CLCA1: variants seen among roughly 807,000 people sequenced by gnomAD.
CLCA1 encodes calcium-activated chloride channel regulator 1.
A neutral mutation model predicts 85.6 loss-of-function variants in CLCA1; 59 were observed. The observed-to-expected ratio is 0.69, with a 90% CI of 0.56 to 0.86. The LOEUF is 0.86. Among genes scored for constraint, CLCA1 ranks in the 40% least tolerant of loss-of-function variants. CLCA1 has a pLI of 0.00. For missense variants in CLCA1, 1,022 were observed against 1,101.4 expected (o/e 0.93, Z 1.02); for synonymous variants, 396 against 398.3 (o/e 0.99, Z 0.07).
intron 10 of CLCA1, 81 bp from the exon 11 acceptor site, chr1:86,494,106 G>T: frequency 1.3e-6 from 2 of 1,500,020 alleles, no homozygotes; most frequent in Non-Finnish European, 1.8e-6. Context: ...ATATCAGAGG[G>T]TTTTCCCGTA....
At chr1:86,471,487 T>A (rs1647497651) in intron 1 of CLCA1, among the ~76,000 whole-genome samples, 1 of 152,090 alleles carries the variant, frequency 6.6e-6, no homozygotes, top group Non-Finnish European at 1.5e-5. Flanking sequence ...AAAACAAAGA[T>A]CCCTTATTAT....
At chr1:86,480,962 T>C (rs1183104956) in intron 4 of CLCA1, among the ~76,000 whole-genome samples, 2 of 152,170 alleles carry the variant, frequency 1.3e-5, no homozygotes, top group African/African-American at 4.8e-5. Context: ...ACTCAGGGAA[T>C]CAATCACAGG....
intron 3 of CLCA1, 95 bp from the exon 4 acceptor site, chr1:86,476,353 A>G: frequency 1.6e-6 from 1 of 630,718 alleles, no homozygotes; most frequent in South Asian, 2.2e-5. Context: ...TTAACACAGC[A>G]AAGCATAAAT....
At chr1:86,477,780 A>G (rs1332175961) in intron 4 of CLCA1, among the ~76,000 whole-genome samples, 2 of 152,222 alleles carry the variant, frequency 1.3e-5, no homozygotes, top group South Asian at 2.1e-4. Context: ...AAGAAAATAA[A>G]TGATTGTTCC....
chr1:86,469,796 C>T (rs894934133), intron 1 of CLCA1, among the ~76,000 whole-genome samples: 4 of 152,062 alleles, frequency 2.6e-5, no homozygotes, highest in African/African-American at 7.2e-5. Context: ...TATAAAAGAC[C>T]GCCCTGGAAT....
chr1:86,481,660 A>G (rs1647825926), intron 4 of CLCA1, among the ~76,000 whole-genome samples: 1 of 152,112 alleles, frequency 6.6e-6, no homozygotes, highest in Admixed American at 6.5e-5. Context: ...CCGGTCATGC[A>G]TGGTTATATA....
chr1:86,500,076 ATCAT>A lies in CLCA1; in HGVS notation c.*36_*39del, dbSNP rs765643819. Reference sequence around the variant, plus strand: ...AATTTTTGTCAGATAAATAAAATAAATCATTCATCCTTTTTTTTGATTATAAAAT... The same window carrying A: ...AATTTTTGTCAGATAAATAAAATAAATCATCCTTTTTTTTGATTATAAAAT... On this transcript the variant is annotated 3_prime_UTR_variant, in exon 14 of 14. Coordinates refer to ENST00000394711, the MANE Select transcript of CLCA1 (RefSeq NM_001285.4). 10 of 1,466,512 alleles carry A rather than the reference ATCAT, an allele frequency of 6.8e-6. No homozygotes were observed. Among genetic ancestry groups the A allele is most frequent in the African/African-American group, 5.7e-5 (4 of 69,936 alleles). The allele number at this position is 1,466,512 out of a possible 1,614,324, so 90.8% of individuals were successfully genotyped here.
At chr1:86,490,914 A>T (rs973519154) in intron 8 of CLCA1, among the ~76,000 whole-genome samples, 1 of 54,204 alleles carries the variant, frequency 1.8e-5, no homozygotes, top group Admixed American at 2.2e-4. Context: ...AAAAAAAAAA[A>T]AAAAAAAATA....
intron 10 of CLCA1, among the ~76,000 whole-genome samples, chr1:86,493,911 A>G (rs1460817611): frequency 6.6e-6 from 1 of 152,160 alleles, no homozygotes; most frequent in Admixed American, 6.5e-5. Context: ...TCAGAGACTC[A>G]TCTCTTATAA....
chr1:86,482,487 G>C, intron 5 of CLCA1, 105 bp downstream of exon 5: 1 of 1,074,956 alleles, frequency 9.3e-7, no homozygotes, highest in Non-Finnish European at 1.4e-6. Flanking sequence ...AATCATCAGT[G>C]AGCAGTGGAT....
chr1:86,496,513 A>G (rs1648290735), intron 12 of CLCA1, among the ~76,000 whole-genome samples: 1 of 152,144 alleles, frequency 6.6e-6, no homozygotes, highest in East Asian at 1.9e-4. Context: ...ATTGAGACCA[A>G]GTTTGTGTCC....
intron 12 of CLCA1, among the ~76,000 whole-genome samples, chr1:86,496,488 T>C (rs921679796): frequency 3.3e-5 from 5 of 152,178 alleles, no homozygotes; most frequent in Non-Finnish European, 7.4e-5. Flanking sequence ...ACACTTGCCC[T>C]GGACTAGAGA....
In CLCA1 at chr1:86,486,666, C is replaced by G; in HGVS notation, c.1095C>G (p.Gly365=). ...ATGAACTCATACAGATAAACAGTGGCAGTGACAGGGACACACTCGCCAAAA... is the reference window on the plus strand; with the variant it reads ...ATGAACTCATACAGATAAACAGTGGGAGTGACAGGGACACACTCGCCAAAA... ...VQNELIQINS[G]SDRDTLAKRL... is the part of the protein sequence containing the mutation. Residue 365 remains glycine, a synonymous_variant, in exon 7 of 14, where the codon GGC becomes GGG. Transcript: ENST00000394711. 1.2e-6 allele frequency: 2 copies of G among 1,614,162 alleles called. No homozygotes were observed. The highest frequency in any genetic ancestry group is 1.3e-5 in the African/African-American group (1 of 75,044).
intron 6 of CLCA1, 84 bp downstream of exon 6, chr1:86,485,645 A>G: frequency 1.6e-6 from 2 of 1,235,376 alleles, no homozygotes; most frequent in South Asian, 2.5e-5. Context: ...GTTGCGAATA[A>G]ACATAACCCG....
rs766628776 is a variant in CLCA1 at position 86,493,617 on chromosome 1, T to A, written c.1680+18T>A. 4 of 1,563,362 alleles carry A rather than the reference T, an allele frequency of 2.6e-6. No individual in the cohort carries two copies. The highest frequency in any genetic ancestry group is 3.5e-6 in the Non-Finnish European group (4 of 1,135,798). ...TTGCTAAGGTATGGAGTCAGCTTTT[T>A]TTCTTTCTCATAATTCAACAAGATA... On this transcript the variant is annotated intron_variant, in intron 10 of 13. Coordinates refer to ENST00000394711, the MANE Select transcript of CLCA1 (RefSeq NM_001285.4).
rs1396206657 is a variant in CLCA1, at chr1:86,482,269, A to G, written c.622A>G (p.Lys208Glu). The G allele has an allele frequency of 6.2e-7, 1 of 1,613,908 alleles. No individual in the cohort carries two copies. ...GTGTCAGGGAGGCAGCTGTTACACCAAAAGATGCACATTCAATAAAGTAAC... is the reference window on the plus strand; with the variant it reads ...GTGTCAGGGAGGCAGCTGTTACACCGAAAGATGCACATTCAATAAAGTAAC... ...KKCQGGSCYT[K>E]RCTFNKVTGL... The change falls in exon 5 of 14, where the codon AAA (lysine) becomes GAA (glutamate). Residue 208 changes from lysine to glutamate, a missense_variant. Physicochemically the swap from Lys to Glu is moderately conservative, Grantham distance 56. Transcript: ENST00000394711.
chr1:86,475,407 T>C (rs911503844), intron 3 of CLCA1, among the ~76,000 whole-genome samples: 2 of 152,180 alleles, frequency 1.3e-5, no homozygotes, highest in Non-Finnish European at 2.9e-5. Context: ...TCACTCAAGT[T>C]TAACAAATAT....
rs760273429 is a variant in CLCA1 at position 86,469,080 on chromosome 1, G to C, written c.109G>C (p.Val37Leu). Residue 37 changes from valine (V) to leucine (L), a missense_variant, in exon 1 of 14, where the codon GTT becomes CTT. Physicochemically the swap from Val to Leu is conservative, Grantham distance 32 (BLOSUM62 1). Transcript: ENST00000394711. ...CAACAATGGCTATGAAGGCATTGTC[G>C]TTGCAATCGACCCCAATGTGCCAGA... ...LNNNGYEGIVVAIDPNVPEDE... is the reference protein window; with the variant it reads ...LNNNGYEGIVLAIDPNVPEDE... 2.0e-5 allele frequency: 32 copies of C among 1,612,052 alleles called. No individual in the cohort carries two copies. The highest frequency in any genetic ancestry group is 2.7e-5 in the Non-Finnish European group (32 of 1,178,896).
intron 1 of CLCA1, among the ~76,000 whole-genome samples, chr1:86,471,568 C>T (rs1026762469): frequency 1.2e-4 from 19 of 152,164 alleles, no homozygotes; most frequent in African/African-American, 4.6e-4. Context: ...ATTGGAAATT[C>T]ACATTTCACA....
Sources: allele counts gnomAD v4.1 joint callset (sites outside exome capture counted in the v4.1 genomes callset), GRCh38; gene constraint gnomAD v4.1.1; transcripts MANE v1.5; gene names NCBI Gene and HGNC (gene_info 2026-07-23, HGNC 2026-07-21).